The following CFAP221 variants were observed in gnomAD, a reference collection of about 807,000 sequenced individuals.
The protein encoded by CFAP221 is cilia- and flagella-associated protein 221.
Under a neutral mutation model 113.1 loss-of-function variants are expected in CFAP221, and 97 were observed. The ratio of observed to expected loss-of-function variants is 0.86; its 90% CI spans 0.73 to 1.02. The LOEUF is 1.02. Ranked by LOEUF, CFAP221 falls within the 50% of genes least tolerant of loss-of-function variation. CFAP221 has a pLI of 0.00. For synonymous variants in CFAP221, 331 were observed against 354.4 expected, an observed-to-expected ratio of 0.93 and a Z score of 0.74; for missense variants, 1,025 against 1,013.4, an observed-to-expected ratio of 1.01 and a Z score of -0.16.
Position 119,605,253 on chromosome 2 carries a change from A to G in CFAP221, c.1097A>G (p.Gln366Arg), listed in dbSNP as rs1188153521. Residue 366 changes from glutamine to arginine, a missense_variant, in exon 11 of 24, where the codon CAG (glutamine) becomes CGG (arginine). Transcript: ENST00000413369. ...KEALFEQKVR[Q>R]DIHEEMENHL... ...GCACTCTTTGAACAGAAAGTCAGAC[A>G]GGACATTCACGAAGAGATGGAAAAT... 2 of 1,614,080 alleles carry G rather than the reference A, an allele frequency of 1.2e-6. No individual in the cohort carries two copies. Among genetic ancestry groups the G allele is most frequent in the Non-Finnish European group, 1.7e-6 (2 of 1,180,006 alleles).
chr2:119,560,656 T>A (rs1327018382), intron 5 of CFAP221, among the ~76,000 whole-genome samples: 1 of 152,132 alleles, frequency 6.6e-6, no homozygotes, highest in East Asian at 1.9e-4. Context: ...GTTAGCTAAA[T>A]TATTGATGTT....
chr2:119,615,845 C>G, intron 14 of CFAP221, 136 bp downstream of exon 14: 1 of 626,032 alleles, frequency 1.6e-6, no homozygotes, highest in Admixed American at 3.6e-5. Context: ...AAATGTACAT[C>G]AGTCATTTTT....
At chr2:119,637,304 G>A (rs751033220) in intron 19 of CFAP221, among the ~76,000 whole-genome samples, 7 of 152,112 alleles carry the variant, frequency 4.6e-5, no homozygotes, top group Middle Eastern at 3.2e-3. Flanking sequence ...CTGCACCAAC[G>A]CTTACCTCCT....
intron 3 of CFAP221, among the ~76,000 whole-genome samples, chr2:119,558,037 T>C (rs770145214): frequency 2.0e-5 from 3 of 151,984 alleles, no homozygotes; most frequent in Non-Finnish European, 4.4e-5. Flanking sequence ...AGGGTACATA[T>C]TAAAACCAGC....
At chr2:119,573,254 A>G (rs1332172956) in intron 6 of CFAP221, 4 of 152,202 alleles carry the variant, frequency 2.6e-5, no homozygotes, top group Non-Finnish European at 4.4e-5. Context: ...TCAGGAGAAG[A>G]CGATCAAATT....
downstream of CFAP221, chr2:119,656,721 A>G (rs1688456810): frequency 3.7e-6 from 1 of 269,550 alleles, no homozygotes; most frequent in Non-Finnish European, 7.0e-6. Flanking sequence ...GCAACATGTG[A>G]TGAGAGACTA....
intron 19 of CFAP221, among the ~76,000 whole-genome samples, chr2:119,637,355 C>T (rs1240150957): frequency 6.6e-6 from 1 of 152,196 alleles, no homozygotes. Context: ...CCCTCCCCTA[C>T]CTTGCATCTG....
At chr2:119,658,625 A>G (rs552444995), downstream of CFAP221, among the ~76,000 whole-genome samples, 14 of 151,676 alleles carry the variant, frequency 9.2e-5, 1 homozygote, top group African/African-American at 1.9e-4. Context: ...ACACGCACAC[A>G]CACACACACA....
chr2:119,551,639 A>C (rs1194973889), intron 3 of CFAP221, among the ~76,000 whole-genome samples: 7 of 152,090 alleles, frequency 4.6e-5, no homozygotes, highest in Non-Finnish European at 7.4e-5. Context: ...TGGAAGTACC[A>C]CCCTTAATTA....
At chr2:119,610,695 A>G (rs1685088873) in intron 12 of CFAP221, among the ~76,000 whole-genome samples, 1 of 152,142 alleles carries the variant, frequency 6.6e-6, no homozygotes, top group Non-Finnish European at 1.5e-5. Flanking sequence ...TGACAATAAC[A>G]CACCTCTCTT....
chr2:119,650,852 T>A (rs1688089907), intron 22 of CFAP221, among the ~76,000 whole-genome samples: 1 of 152,256 alleles, frequency 6.6e-6, no homozygotes, highest in Non-Finnish European at 1.5e-5. Context: ...TTTTTCTTAA[T>A]AGAAAATTGT....
intron 14 of CFAP221, among the ~76,000 whole-genome samples, chr2:119,624,951 A>G (rs957903730): frequency 1.3e-5 from 2 of 152,006 alleles, no homozygotes; most frequent in African/African-American, 2.4e-5. Context: ...GCAAACTACC[A>G]TGGCACGTTT....
chr2:119,647,070 TC>T lies in CFAP221; in HGVS notation c.2318+21del. Reference sequence around the variant, plus strand: ...AGAACGGTATTTTTTTTTTTTTTAATCTTTGGCCTCTAATGTGGTCTGTTTT... The same window carrying T: ...AGAACGGTATTTTTTTTTTTTTTAATTTTGGCCTCTAATGTGGTCTGTTTT... On this transcript the variant is annotated intron_variant, in intron 22 of 23. Transcript: ENST00000413369. 6.3e-7 allele frequency: 1 copy of T among 1,584,320 alleles called. No homozygotes were observed. Among genetic ancestry groups the T allele is most frequent in the Non-Finnish European group, 8.6e-7 (1 of 1,161,010 alleles).
intron 6 of CFAP221, among the ~76,000 whole-genome samples, chr2:119,565,892 G>A (rs1321425260): frequency 6.6e-6 from 1 of 152,194 alleles, no homozygotes; most frequent in Non-Finnish European, 1.5e-5. Context: ...CTACCCTGGG[G>A]TTGAAGGTAT....
intron 7 of CFAP221, among the ~76,000 whole-genome samples, chr2:119,593,229 G>A (rs1474357156): frequency 6.6e-6 from 1 of 152,204 alleles, no homozygotes; most frequent in Non-Finnish European, 1.5e-5. Context: ...GTGTGTGCAT[G>A]TATGTGGTAT....
At position 119,562,006 on chromosome 2, in the gene CFAP221, A is replaced by C. The variant is rs1681276519; in HGVS notation, c.427-8A>C. On this transcript the variant is annotated splice_polypyrimidine_tract_variant and splice_region_variant and intron_variant, in intron 5 of 23. Transcript: ENST00000413369. The stretch of plus-strand genomic sequence containing the variant: ...ATGTTAAACTTGACTTTTTCTGGTT[A>C]ATTTTAGGGAGATGACACTTTGCTT... 2 of 1,524,114 alleles carry C rather than the reference A, an allele frequency of 1.3e-6. No individual in the cohort carries two copies. The highest frequency in any genetic ancestry group is 1.8e-6 in the Non-Finnish European group (2 of 1,139,084). 94.4% of individuals were successfully genotyped at this position (1,524,114 alleles called of 1,614,324 possible).
At chr2:119,583,162 G>GA (rs35631972) in intron 6 of CFAP221, among the ~76,000 whole-genome samples, 16 of 151,570 alleles carry the variant, frequency 1.1e-4, no homozygotes, top group South Asian at 4.2e-4. Flanking sequence ...CATTAATTGG[G>GA]AAAAAAAAGC....
intron 3 of CFAP221, among the ~76,000 whole-genome samples, chr2:119,553,177 C>T (rs1044291711): frequency 6.6e-6 from 1 of 152,176 alleles, no homozygotes; most frequent in African/African-American, 2.4e-5. Context: ...CACCGTTTCA[C>T]CTCTGTAGGA....
At chr2:119,544,531 G>A (rs1211139866) in intron 1 of CFAP221, 21 bp downstream of exon 1, 1 of 152,056 alleles carries the variant, frequency 6.6e-6, no homozygotes. Context: ...AGGGACCTGG[G>A]GCCCGGGTGG....
Sources: allele counts gnomAD v4.1 joint callset (sites outside exome capture counted in the v4.1 genomes callset), GRCh38; gene constraint gnomAD v4.1.1; transcripts MANE v1.5; gene names NCBI Gene and HGNC (gene_info 2026-07-23, HGNC 2026-07-21).